Variants in EFCAB6 observed in about 807,000 individuals in gnomAD.
The protein encoded by EFCAB6 is EF-hand calcium binding domain 6.
In EFCAB6, 156 loss-of-function variants were observed where a neutral mutation model predicts 169.8. That is an observed-to-expected ratio of 0.92 (90% CI 0.81 to 1.05). The LOEUF (loss-of-function observed/expected upper bound fraction) is 1.05, where lower values mean the gene tolerates loss of function less well. Among genes scored for constraint, EFCAB6 ranks in the 50% least tolerant of loss-of-function variants. The pLI is 0.00. For synonymous variants in EFCAB6, 698 were observed against 676.4 expected, an observed-to-expected ratio of 1.03 and a Z score of -0.50; for missense variants, 1,800 against 1,829.1, an observed-to-expected ratio of 0.98 and a Z score of 0.29.
chr22:43,811,545 C>G (rs2063130142), intron 1 of EFCAB6, among the ~76,000 whole-genome samples: 1 of 152,164 alleles, frequency 6.6e-6, no homozygotes, highest in Admixed American at 6.5e-5. Flanking sequence ...ATGTATACCT[C>G]ACAAAGTGCT....
intron 25 of EFCAB6, among the ~76,000 whole-genome samples, chr22:43,577,513 T>C (rs936286877): frequency 3.4e-4 from 52 of 152,368 alleles, no homozygotes; most frequent in African/African-American, 1.2e-3. Context: ...TCTGGGAACC[T>C]GGGCTCTGCT....
At chr22:43,723,389 C>T (rs898353299) in intron 8 of EFCAB6, among the ~76,000 whole-genome samples, 2 of 152,208 alleles carry the variant, frequency 1.3e-5, no homozygotes, top group African/African-American at 4.8e-5. Context: ...TACCTGGGTG[C>T]AGTATACCTG....
intron 22 of EFCAB6, among the ~76,000 whole-genome samples, chr22:43,607,257 C>T (rs1289796563): frequency 6.6e-6 from 1 of 152,152 alleles, no homozygotes; most frequent in Non-Finnish European, 1.5e-5. Flanking sequence ...CCATCTGGAC[C>T]CATGACAGCT....
intron 26 of EFCAB6, among the ~76,000 whole-genome samples, chr22:43,558,243 G>C (rs183102428): frequency 6.6e-6 from 1 of 152,172 alleles, no homozygotes; most frequent in African/African-American, 2.4e-5. Flanking sequence ...TAGGAAAGTG[G>C]CTGGATTCAA....
chr22:43,743,591 C>T (rs964166318), intron 6 of EFCAB6, among the ~76,000 whole-genome samples: 2 of 152,180 alleles, frequency 1.3e-5, no homozygotes, highest in East Asian at 1.9e-4. Context: ...GCTTCACACA[C>T]GGAACACGTT....
At chr22:43,545,810 G>A (rs2048024826) in intron 27 of EFCAB6, among the ~76,000 whole-genome samples, 1 of 152,190 alleles carries the variant, frequency 6.6e-6, no homozygotes, top group African/African-American at 2.4e-5. Flanking sequence ...GCGTCGGGCT[G>A]GCAGCATCTT....
chr22:43,618,144 A>AGGAC, intron 20 of EFCAB6, among the ~76,000 whole-genome samples: 1 of 58,242 alleles, frequency 1.7e-5, no homozygotes, highest in Non-Finnish European at 3.3e-5. Flanking sequence ...GACAGAGAGG[A>AGGAC]GGAAGGAAGG....
chr22:43,546,212 T>G (rs1465217958), intron 27 of EFCAB6, among the ~76,000 whole-genome samples: 1 of 152,146 alleles, frequency 6.6e-6, no homozygotes, highest in Non-Finnish European at 1.5e-5. Context: ...CACATACACT[T>G]CCTTGAAATT....
chr22:43,567,109 CTCCTCCTCATCATCCTCCTCG>C (rs150991456), intron 26 of EFCAB6, among the ~76,000 whole-genome samples: 9,866 of 151,914 alleles, frequency 0.065, 387 homozygotes, highest in Admixed American at 0.097. Context: ...TTAGGTCATC[CTCCTCCTCATCATCCTCCTCG>C]TCCTCCTCAT....
At chr22:43,782,358 T>C in intron 2 of EFCAB6, 33 bp from the exon 3 acceptor site, 6 of 1,597,432 alleles carry the variant, frequency 3.8e-6, no homozygotes, top group Non-Finnish European at 4.3e-6. Context: ...TTACGTTACC[T>C]TAAAGAGCAT....
chr22:43,652,908 A>G (rs2056547032), intron 17 of EFCAB6, among the ~76,000 whole-genome samples: 1 of 152,226 alleles, frequency 6.6e-6, no homozygotes, highest in African/African-American at 2.4e-5. Context: ...TATGTTAAAA[A>G]TAACCTAATG....
At chr22:43,636,415 T>A (rs2055401212) in intron 17 of EFCAB6, among the ~76,000 whole-genome samples, 1 of 152,120 alleles carries the variant, frequency 6.6e-6, no homozygotes, top group Non-Finnish European at 1.5e-5. Context: ...AGTGCCCGTG[T>A]GTGCCAGGCA....
chr22:43,655,534 A>AAC (rs1313459205), intron 17 of EFCAB6, among the ~76,000 whole-genome samples: 1 of 151,858 alleles, frequency 6.6e-6, no homozygotes, highest in Non-Finnish European at 1.5e-5. Flanking sequence ...AAAAAAAAAA[A>AAC]AAGTTGGATA....
intron 6 of EFCAB6, among the ~76,000 whole-genome samples, chr22:43,746,408 G>A (rs78439904): frequency 0.12 from 17,876 of 152,162 alleles, 1,134 homozygotes; most frequent in Middle Eastern, 0.18. Flanking sequence ...ACTCTGGTTC[G>A]GGGTCTCCTT....
At chr22:43,780,063 T>C (rs943515701) in intron 3 of EFCAB6, among the ~76,000 whole-genome samples, 10 of 152,190 alleles carry the variant, frequency 6.6e-5, no homozygotes, top group African/African-American at 2.4e-4. Flanking sequence ...CCATATCCAA[T>C]GGGCAAGATC....
chr22:43,738,134 CTG>C (rs2060227593), intron 6 of EFCAB6, among the ~76,000 whole-genome samples: 1 of 148,994 alleles, frequency 6.7e-6, no homozygotes. Flanking sequence ...ATACACACAC[CTG>C]TGCATATACT....
rs139906515 is a variant in EFCAB6, at chr22:43,563,753, T to C, written c.3421-8657A>G. On this transcript the variant is annotated intron_variant, in intron 26 of 31. Transcript: ENST00000262726. Reference sequence around the variant, plus strand: ...TGAGTTCCTGGCTAACACCAGGCTATCATGAATGATCCGAGGATGGTGCAT... The same window carrying C: ...TGAGTTCCTGGCTAACACCAGGCTACCATGAATGATCCGAGGATGGTGCAT... Among the ~76,000 whole-genome samples the C allele has an allele frequency of 5.3e-5, 8 of 152,290 alleles. No homozygotes were observed. The East Asian group carries it at 1.2e-3, about 22-fold the overall frequency.
rs1054599814 is a variant in EFCAB6, at chr22:43,537,608, T to C, written c.3880-63A>G. On this transcript the variant is annotated intron_variant, in intron 28 of 31. Transcript: ENST00000262726. This position sits in a 1 kb window ranked among gnomAD's most constrained non-coding sequence, Gnocchi z 4.3. Reference sequence around the variant, plus strand: ...GATTTAAAACGGAAGTCATCAAAAATACCTCAATACCTCCAGTTTTGAGGT... The same window carrying C: ...GATTTAAAACGGAAGTCATCAAAAACACCTCAATACCTCCAGTTTTGAGGT... 6.6e-7 allele frequency: 1 copy of C among 1,523,778 alleles called. No homozygotes were observed. Among genetic ancestry groups the C allele is most frequent in the African/African-American group, 1.4e-5 (1 of 71,994 alleles). The allele number at this position is 1,523,778 out of a possible 1,614,324, so 94.4% of individuals were successfully genotyped here. A position where few individuals can be genotyped will look rare whatever the true frequency, so the allele number is the denominator to read the frequency against.
intron 23 of EFCAB6, among the ~76,000 whole-genome samples, chr22:43,597,183 T>C (rs2052079313): frequency 6.6e-6 from 1 of 152,168 alleles, no homozygotes; most frequent in African/African-American, 2.4e-5. Context: ...TACAGGACAT[T>C]GGTCAGGGCA....
Sources: allele counts gnomAD v4.1 joint callset (sites outside exome capture counted in the v4.1 genomes callset), GRCh38; gene constraint gnomAD v4.1.1; non-coding constraint Gnocchi (gnomAD v3.1); transcripts MANE v1.5; gene names NCBI Gene and HGNC (gene_info 2026-07-23, HGNC 2026-07-21).